ABCA1: variants seen among roughly 807,000 people sequenced by gnomAD.
The protein encoded by ABCA1 is ATP binding cassette subfamily A member 1, also known as phospholipid-transporting ATPase ABCA1.
Under a neutral mutation model 262.5 loss-of-function variants are expected in ABCA1, and 133 were observed. That is an observed-to-expected ratio of 0.51 (90% CI 0.44 to 0.59). The LOEUF (loss-of-function observed/expected upper bound fraction) is 0.59. Among genes scored for constraint, ABCA1 ranks in the 20% least tolerant of loss-of-function variants. The pLI is 0.00. For missense variants in ABCA1, 2,452 were observed against 2,777.5 expected (o/e 0.88, Z 2.63); for synonymous variants, 1,022 against 1,043.5 (o/e 0.98, Z 0.40).
intron 36 of ABCA1, 101 bp downstream of exon 36, chr9:104,799,718 C>A: frequency 6.2e-7 from 1 of 1,609,202 alleles, no homozygotes; most frequent in East Asian, 2.2e-5. Flanking sequence ...ATATAACGGT[C>A]TCTGCAGCTG....
intron 8 of ABCA1, among the ~76,000 whole-genome samples, chr9:104,841,295 C>T (rs1237986043): frequency 6.6e-6 from 1 of 151,938 alleles, no homozygotes; most frequent in Non-Finnish European, 1.5e-5. Flanking sequence ...AAAATGTTGG[C>T]CAGGCATGGT....
At chr9:104,855,398 A>G (rs1192370874) in intron 7 of ABCA1, among the ~76,000 whole-genome samples, 1 of 152,142 alleles carries the variant, frequency 6.6e-6, no homozygotes, top group Admixed American at 6.5e-5. Flanking sequence ...AGGGGATTTC[A>G]CCACGTTGGC....
chr9:104,835,533 C>T (rs1364167233), intron 11 of ABCA1, among the ~76,000 whole-genome samples: 2 of 152,170 alleles, frequency 1.3e-5, no homozygotes, highest in Non-Finnish European at 2.9e-5. Context: ...GGAGAGCCTC[C>T]TCCCTGGTCT....
intron 7 of ABCA1, among the ~76,000 whole-genome samples, chr9:104,852,171 C>G (rs908165674): frequency 6.6e-6 from 1 of 152,176 alleles, no homozygotes; most frequent in Admixed American, 6.5e-5. Flanking sequence ...TGACCATATG[C>G]AAAATCCAAC....
intron 1 of ABCA1, among the ~76,000 whole-genome samples, chr9:104,924,093 C>T (rs1395361323): frequency 6.6e-6 from 1 of 152,060 alleles, no homozygotes; most frequent in Non-Finnish European, 1.5e-5. Context: ...CAGTACTTGC[C>T]ACACAGTGCT....
Position 104,845,522 on chromosome 9 carries a change from T to C in ABCA1, c.768A>G (p.Glu256=). ...TSPFPSKELA[E]ATKTLLHSLG... ...GACTATGCAGCAATGTTTTTGTGGC[T>C]TCAGCCAGCTCCTTGCTCGGGAAGG... The change falls in exon 8 of 50, where the codon GAA becomes GAG. Residue 256 remains glutamate, a synonymous_variant. Coordinates refer to ENST00000374736, the MANE Select transcript of ABCA1 (RefSeq NM_005502.4). 9 of 1,614,112 alleles carry C rather than the reference T, an allele frequency of 5.6e-6. No homozygotes were observed. The highest frequency in any genetic ancestry group is 7.6e-6 in the Non-Finnish European group (9 of 1,179,970).
chr9:104,885,051 C>G (rs1462668655), intron 3 of ABCA1, among the ~76,000 whole-genome samples: 3 of 152,118 alleles, frequency 2.0e-5, no homozygotes. Flanking sequence ...CCCTGGCCAA[C>G]ATGGCGAAAC....
In ABCA1 at chr9:104,792,820, T is replaced by C; in HGVS notation, c.5723A>G (p.Gln1908Arg). Residue 1908 changes from glutamine (Q) to arginine (R), a missense_variant, in exon 42 of 50, where the codon CAG (glutamine) becomes CGG (arginine). By Grantham distance (43) the Gln-to-Arg change is conservative (BLOSUM62 1). This residue lies in a region of ABCA1 where 752 missense variants were observed against 944.5 expected (regional missense o/e 0.80). Coordinates refer to ENST00000374736, the MANE Select transcript of ABCA1 (RefSeq NM_005502.4). ...CTCCTTGATTTCTAAGATGTCATTC[T>C]GGCCTCCACCATCAAGAATTCTCTG... ...ERQRILDGGG[Q>R]NDILEIKELT... 1.9e-6 allele frequency: 3 copies of C among 1,614,174 alleles called. No homozygotes were observed. The highest frequency in any genetic ancestry group is 2.5e-6 in the Non-Finnish European group (3 of 1,180,012).
chr9:104,926,598 T>C (rs996898642), intron 1 of ABCA1, among the ~76,000 whole-genome samples: 26 of 152,162 alleles, frequency 1.7e-4, no homozygotes, highest in African/African-American at 6.3e-4. Flanking sequence ...GGCCGATTCC[T>C]AGGTCCTCCG....
intron 36 of ABCA1, chr9:104,799,615 T>C: frequency 1.0e-6 from 1 of 985,428 alleles, no homozygotes; most frequent in Non-Finnish European, 1.2e-6. Context: ...CATATCAGTG[T>C]CATTTTCTCT....
At chr9:104,795,933 G>T in intron 39 of ABCA1, 120 bp downstream of exon 39, 2 of 1,398,286 alleles carry the variant, frequency 1.4e-6, no homozygotes, top group South Asian at 1.2e-5. Context: ...TCTGAAGACA[G>T]GACAAGGCAG....
At chr9:104,832,898 A>G in intron 11 of ABCA1, 127 bp from the exon 12 acceptor site, 1 of 844,286 alleles carries the variant, frequency 1.2e-6, no homozygotes. Flanking sequence ...GAGGTAAATG[A>G]CAGTGTCCCT....
In ABCA1 at chr9:104,812,554, G is replaced by A. The variant is rs1234585773; in HGVS notation, c.4050+20C>T. On this transcript the variant is annotated intron_variant, in intron 28 of 49. Coordinates refer to ENST00000374736, the MANE Select transcript of ABCA1 (RefSeq NM_005502.4). ...CCCACCCATGAAGCCAGAGTCTCTG[G>A]CGAAAACAGCACGTCTCACCTGAGC... is the stretch of plus-strand genomic sequence containing the variant. The A allele has an allele frequency of 5.0e-6, 8 of 1,613,912 alleles. No individual in the cohort carries two copies. The highest frequency in any genetic ancestry group is 6.8e-6 in the Non-Finnish European group (8 of 1,180,028).
intron 39 of ABCA1, among the ~76,000 whole-genome samples, chr9:104,795,033 C>T (rs916467041): frequency 1.3e-5 from 2 of 152,108 alleles, no homozygotes; most frequent in African/African-American, 2.4e-5. Context: ...GACTCCACTC[C>T]GAGTAGGAAA....
chr9:104,792,226 T>C (rs901189604), intron 42 of ABCA1, among the ~76,000 whole-genome samples: 1 of 152,228 alleles, frequency 6.6e-6, no homozygotes, highest in African/African-American at 2.4e-5. Flanking sequence ...TTTTAACCTG[T>C]CTTTTTAGAA....
Position 104,783,358 on chromosome 9 carries a change from G to A in ABCA1, c.*957C>T, listed in dbSNP as rs1455674955. 1 of 152,156 alleles carries A rather than the reference G, an allele frequency of 6.6e-6. No individual in the cohort carries two copies. The highest frequency in any genetic ancestry group is 1.5e-5 in the Non-Finnish European group (1 of 68,026). 9.4% of individuals were successfully genotyped at this position (152,156 alleles called of 1,614,324 possible). ...TCAAAAAGCCAGAAATAATACACTTGTGTCAGATAAACATCTTGAGATGCA... is the reference window on the plus strand; with the variant it reads ...TCAAAAAGCCAGAAATAATACACTTATGTCAGATAAACATCTTGAGATGCA... On this transcript the variant is annotated 3_prime_UTR_variant, in exon 50 of 50. Transcript: ENST00000374736.
intron 2 of ABCA1, among the ~76,000 whole-genome samples, chr9:104,892,111 T>A (rs1468964400): frequency 6.6e-6 from 1 of 151,240 alleles, no homozygotes; most frequent in African/African-American, 2.4e-5. Flanking sequence ...ATAGTTTGCA[T>A]AGACGGCACA....
intron 7 of ABCA1, among the ~76,000 whole-genome samples, chr9:104,849,746 A>C (rs1835211028): frequency 6.6e-6 from 1 of 152,256 alleles, no homozygotes. Flanking sequence ...ACCTGAAAAA[A>C]TAAGCCAAAG....
At chr9:104,901,096 C>A (rs1234334097) in intron 2 of ABCA1, among the ~76,000 whole-genome samples, 1 of 152,196 alleles carries the variant, frequency 6.6e-6, no homozygotes, top group African/African-American at 2.4e-5. Context: ...ATTTGAATGA[C>A]CCAACCCCAC....
Sources: gnomAD v4.1 joint callset for allele counts (sites outside exome capture counted in the v4.1 genomes callset) on GRCh38, gnomAD v4.1.1 for gene constraint, gnomAD v4.1.1 regional missense constraint, MANE v1.5 for transcripts, NCBI Gene and HGNC (gene_info 2026-07-23, HGNC 2026-07-21) for gene names.